The following CDH18 variants were observed in gnomAD, a reference collection of about 807,000 sequenced individuals.
CDH18 encodes cadherin 18, also known as cadherin-18.
CDH18 carries 31 observed loss-of-function variants against 67.9 expected under a neutral mutation model. The observed-to-expected ratio is 0.46, with a 90% CI of 0.34 to 0.62. The LOEUF is 0.62. Ranked by LOEUF, CDH18 falls within the 20% of genes least tolerant of loss-of-function variation. The probability of loss-of-function intolerance (pLI) is 0.01; values close to 1 mark genes in which losing one functional copy is unlikely to be tolerated. For synonymous variants in CDH18, 362 were observed against 347.2 expected, an observed-to-expected ratio of 1.04 and a Z score of -0.48; for missense variants, 890 against 975.5, an observed-to-expected ratio of 0.91 and a Z score of 1.17.
At chr5:20,264,917 T>C (rs1382703681) in intron 1 of CDH18, among the ~76,000 whole-genome samples, 3 of 152,078 alleles carry the variant, frequency 2.0e-5, no homozygotes, top group Admixed American at 6.5e-5. Context: ...TTGTGGTGAC[T>C]AGTTTCCCAA....
chr5:19,983,033 GAAAAAA>G (rs58434622), intron 1 of CDH18, among the ~76,000 whole-genome samples: 1 of 100,370 alleles, frequency 1.0e-5, no homozygotes, highest in Non-Finnish European at 1.9e-5. Flanking sequence ...ACTCCATCTC[GAAAAAA>G]AAAAAAAAAA....
chr5:20,466,322 A>G (rs1371100295), intron 1 of CDH18, among the ~76,000 whole-genome samples: 2 of 152,088 alleles, frequency 1.3e-5, no homozygotes, highest in Non-Finnish European at 2.9e-5. Flanking sequence ...CTTATATAAT[A>G]TAGGAATACA....
chr5:20,510,052 TG>T (rs2126480455), intron 1 of CDH18, among the ~76,000 whole-genome samples: 1 of 152,294 alleles, frequency 6.6e-6, no homozygotes, highest in East Asian at 1.9e-4. Context: ...CATCAACATT[TG>T]TTATCTTTCA....
In CDH18 at chr5:19,641,038, C is replaced by T. The variant is rs530819768; in HGVS notation, c.644-28437G>A. The stretch of plus-strand genomic sequence containing the variant: ...GAAATGAAGGGGATCAAAAAGCATC[C>T]TTTTTATGGTTATTGTGCACAATTA... On this transcript the variant is annotated intron_variant, in intron 5 of 12. Transcript: ENST00000382275. Among the ~76,000 whole-genome samples the T allele has an allele frequency of 3.3e-5, 5 of 150,178 alleles. No homozygotes were observed. The South Asian group carries it at 1.1e-3, about 32-fold the overall frequency.
intron 1 of CDH18, among the ~76,000 whole-genome samples, chr5:20,336,724 CAAAAAAAAAAA>C (rs59083214): frequency 0.021 from 1,321 of 63,494 alleles, 39 homozygotes; most frequent in African/African-American, 0.08. Context: ...GCCTCTGTCT[CAAAAAAAAAAA>C]AAAAAAAAAA....
At chr5:20,192,648 A>G (rs1259100777) in intron 2 of CDH18, among the ~76,000 whole-genome samples, 4 of 152,068 alleles carry the variant, frequency 2.6e-5, no homozygotes, top group African/African-American at 9.7e-5. Context: ...TTTGTCAAAT[A>G]TTAGATGGTT....
intron 11 of CDH18, among the ~76,000 whole-genome samples, chr5:19,485,837 C>CA (rs1403095525): frequency 1.3e-5 from 2 of 152,126 alleles, no homozygotes; most frequent in Non-Finnish European, 2.9e-5. Context: ...TCTCAGGAAA[C>CA]ACGAATAATA....
At chr5:20,095,444 A>AAAGAAAGT (rs1351361955) in intron 2 of CDH18, among the ~76,000 whole-genome samples, 2 of 81,910 alleles carry the variant, frequency 2.4e-5, no homozygotes, top group South Asian at 7.4e-4. Context: ...AGAAAGAAAG[A>AAAGAAAGT]AAAGAAAGAA....
intron 2 of CDH18, among the ~76,000 whole-genome samples, chr5:20,007,407 T>C (rs1257171344): frequency 6.6e-6 from 1 of 151,354 alleles, no homozygotes; most frequent in African/African-American, 2.4e-5. Flanking sequence ...CAGTGCTGAG[T>C]TGATTCATGC....
intron 11 of CDH18, among the ~76,000 whole-genome samples, chr5:19,490,193 T>C (rs1353096927): frequency 6.6e-6 from 1 of 151,934 alleles, no homozygotes; most frequent in Non-Finnish European, 1.5e-5. Context: ...GAATGTATAA[T>C]TCTATTTTTA....
At chr5:20,349,750 G>A (rs925642989) in intron 1 of CDH18, among the ~76,000 whole-genome samples, 2 of 152,076 alleles carry the variant, frequency 1.3e-5, no homozygotes, top group Admixed American at 6.6e-5. Flanking sequence ...AGATAAGTCA[G>A]ATTACATTTT....
At chr5:19,757,594 T>C (rs1771776118) in intron 3 of CDH18, among the ~76,000 whole-genome samples, 1 of 152,182 alleles carries the variant, frequency 6.6e-6, no homozygotes, top group Non-Finnish European at 1.5e-5. Flanking sequence ...CACTTGATTA[T>C]TAAAATCCTC....
At chr5:19,829,232 A>G (rs1780755698) in intron 3 of CDH18, among the ~76,000 whole-genome samples, 1 of 152,164 alleles carries the variant, frequency 6.6e-6, no homozygotes, top group South Asian at 2.1e-4. Context: ...CAAGAGAAAG[A>G]AATAAAAACC....
chr5:19,556,362 A>G (rs1738415294), intron 8 of CDH18, among the ~76,000 whole-genome samples: 1 of 152,184 alleles, frequency 6.6e-6, no homozygotes. Context: ...CAACTTAAAG[A>G]AATCCAAAAT....
upstream of CDH18, among the ~76,000 whole-genome samples, chr5:19,988,444 T>A (rs1799783399): frequency 6.6e-6 from 1 of 151,734 alleles, no homozygotes; most frequent in African/African-American, 2.4e-5. Flanking sequence ...ACGGACACCC[T>A]TTAACCCCCT....
intron 1 of CDH18, among the ~76,000 whole-genome samples, chr5:20,301,175 T>G (rs1580702088): frequency 1.4e-5 from 2 of 141,726 alleles, no homozygotes; most frequent in Admixed American, 6.7e-5. Context: ...GACAGTGTTT[T>G]TTTGTTTTTT....
At chr5:19,764,386 G>A (rs1363357361) in intron 3 of CDH18, among the ~76,000 whole-genome samples, 1 of 151,840 alleles carries the variant, frequency 6.6e-6, no homozygotes, top group Non-Finnish European at 1.5e-5. Context: ...ATCACATTGT[G>A]TCAAAATACG....
intron 1 of CDH18, among the ~76,000 whole-genome samples, chr5:20,321,127 C>G (rs746369348): frequency 1.3e-5 from 2 of 152,088 alleles, no homozygotes; most frequent in African/African-American, 2.4e-5. Context: ...GCAAACTCAG[C>G]AAGTGAGTGT....
intron 2 of CDH18, among the ~76,000 whole-genome samples, chr5:19,902,099 T>A (rs1790003298): frequency 6.6e-6 from 1 of 152,138 alleles, no homozygotes; most frequent in South Asian, 2.1e-4. Flanking sequence ...TGACGTCAAT[T>A]TTAACATATT....
Sources: allele counts gnomAD v4.1 joint callset (sites outside exome capture counted in the v4.1 genomes callset), GRCh38; gene constraint gnomAD v4.1.1; transcripts MANE v1.5; gene names NCBI Gene and HGNC (gene_info 2026-07-23, HGNC 2026-07-21).